RBFOX1: variants seen among roughly 807,000 people sequenced by gnomAD.
The protein encoded by RBFOX1 is RNA binding protein fox-1 homolog 1.
Under a neutral mutation model 57.7 loss-of-function variants are expected in RBFOX1, and 8 were observed. That is an observed-to-expected ratio of 0.14 (90% confidence interval 0.08 to 0.25). The LOEUF (loss-of-function observed/expected upper bound fraction) is 0.25, where lower values mean the gene tolerates loss of function less well. RBFOX1 is among the 10% of genes least tolerant of loss of function. The pLI, the probability that RBFOX1 is intolerant of heterozygous loss-of-function variation, is 1.00. For synonymous variants in RBFOX1, 326 were observed against 222.4 expected, an observed-to-expected ratio of 1.47 and a Z score of -4.15; for missense variants, 611 against 548.5, an observed-to-expected ratio of 1.11 and a Z score of -1.14.
chr16:6,876,829 A>G (rs910847532), intron 3 of RBFOX1, among the ~76,000 whole-genome samples: 10 of 152,162 alleles, frequency 6.6e-5, no homozygotes, highest in Non-Finnish European at 8.8e-5. Flanking sequence ...CGAAAGATGG[A>G]TTTCAGATGT....
intron 1 of RBFOX1, among the ~76,000 whole-genome samples, chr16:6,040,285 A>T (rs2095422026): frequency 6.6e-6 from 1 of 152,216 alleles, no homozygotes; most frequent in Non-Finnish European, 1.5e-5. Context: ...TTGCGCAAGC[A>T]ACACTATCAC....
At chr16:7,206,299 A>G (rs2089954611) in intron 4 of RBFOX1, among the ~76,000 whole-genome samples, 1 of 152,032 alleles carries the variant, frequency 6.6e-6, no homozygotes. Flanking sequence ...AAGTAGGTGA[A>G]AGTTTTCAGG....
At chr16:7,514,739 C>T (rs954947559) in intron 4 of RBFOX1, among the ~76,000 whole-genome samples, 2 of 152,138 alleles carry the variant, frequency 1.3e-5, no homozygotes, top group Non-Finnish European at 2.9e-5. Flanking sequence ...TCTCCCTTAA[C>T]TGACCATAAG....
At chr16:7,153,727 C>CAAA (rs113270300) in intron 4 of RBFOX1, among the ~76,000 whole-genome samples, 8,359 of 128,582 alleles carry the variant, frequency 0.065, 368 homozygotes, top group South Asian at 0.11. Context: ...GACAGTGTCT[C>CAAA]AAAAAAAAAA....
chr16:7,362,111 A>G (rs1260105049), intron 4 of RBFOX1, among the ~76,000 whole-genome samples: 3 of 149,238 alleles, frequency 2.0e-5, no homozygotes, highest in Non-Finnish European at 4.5e-5. Flanking sequence ...TAGTGTGTGT[A>G]TGTGTGTGGA....
intron 3 of RBFOX1, among the ~76,000 whole-genome samples, chr16:6,740,334 C>T (rs1284564625): frequency 2.0e-5 from 3 of 151,990 alleles, no homozygotes; most frequent in Non-Finnish European, 4.4e-5. Flanking sequence ...AATGATTTCC[C>T]CTTAAATACA....
chr16:6,757,446 AGAATACTATTCAGCCCT>A (rs2075977889), intron 3 of RBFOX1, among the ~76,000 whole-genome samples: 2 of 152,234 alleles, frequency 1.3e-5, no homozygotes, highest in Admixed American at 6.5e-5. Context: ...TATGCACAAC[AGAATACTATTCAGCCCT>A]GAAAAAGGAT....
At chr16:7,158,376 T>G (rs2077574808) in intron 4 of RBFOX1, among the ~76,000 whole-genome samples, 1 of 152,120 alleles carries the variant, frequency 6.6e-6, no homozygotes, top group African/African-American at 2.4e-5. Flanking sequence ...AGGGTTAGGG[T>G]TATCACAACC....
chr16:5,895,754 C>T (rs998997452), intron 4 of RBFOX1, among the ~76,000 whole-genome samples: 4 of 152,174 alleles, frequency 2.6e-5, no homozygotes, highest in Admixed American at 2.6e-4. Context: ...AATGACATGT[C>T]ATGCGTCAGT....
At chr16:5,633,852 T>TGAAA (rs1555488302) in intron 3 of RBFOX1, among the ~76,000 whole-genome samples, 1 of 143,894 alleles carries the variant, frequency 6.9e-6, no homozygotes, top group African/African-American at 2.6e-5. Context: ...GACTCCGTCT[T>TGAAA]AAAAAAAAAA....
At chr16:7,707,879 A>C (rs2083002627) in intron 14 of RBFOX1, among the ~76,000 whole-genome samples, 1 of 152,146 alleles carries the variant, frequency 6.6e-6, no homozygotes, top group Non-Finnish European at 1.5e-5. Flanking sequence ...CCCATTCGGT[A>C]AGTCACTTGC....
At chr16:6,610,284 A>G (rs1181972811) in intron 2 of RBFOX1, among the ~76,000 whole-genome samples, 2 of 151,836 alleles carry the variant, frequency 1.3e-5, no homozygotes, top group South Asian at 2.1e-4. Context: ...ATTAGTAAGC[A>G]TGAATTATGG....
chr16:7,692,843 A>T (rs988260294), intron 14 of RBFOX1, among the ~76,000 whole-genome samples: 1 of 152,072 alleles, frequency 6.6e-6, no homozygotes, highest in Non-Finnish European at 1.5e-5. Context: ...TATCCATAAC[A>T]CATCACCATA....
chr16:7,089,172 T>C (rs11866781), intron 4 of RBFOX1, among the ~76,000 whole-genome samples: 80,692 of 151,938 alleles, frequency 0.53, 22,564 homozygotes, highest in East Asian at 0.77. Context: ...CAATGAATTC[T>C]GGCAGCTGGA....
At chr16:7,082,381 G>C (rs1004007492) in intron 4 of RBFOX1, among the ~76,000 whole-genome samples, 10 of 151,916 alleles carry the variant, frequency 6.6e-5, no homozygotes, top group African/African-American at 2.2e-4. Flanking sequence ...AGGAGTTTGA[G>C]ACCAGCTTGG....
intron 1 of RBFOX1, among the ~76,000 whole-genome samples, chr16:6,082,249 C>T (rs538309271): frequency 1.1e-4 from 15 of 137,384 alleles, no homozygotes; most frequent in African/African-American, 2.7e-4. Flanking sequence ...GGTGCAATCT[C>T]GGCTCATTGC....
chr16:6,680,854 C>T, intron 3 of RBFOX1, among the ~76,000 whole-genome samples: 1 of 152,224 alleles, frequency 6.6e-6, no homozygotes, highest in South Asian at 2.1e-4. Flanking sequence ...GAATGAAGTA[C>T]CTTTCACTGT....
chr16:6,437,102 G>A (rs1017904606), intron 2 of RBFOX1, among the ~76,000 whole-genome samples: 1 of 152,108 alleles, frequency 6.6e-6, no homozygotes, highest in Non-Finnish European at 1.5e-5. Flanking sequence ...CAAATTAATA[G>A]GCGATCGTTT....
Position 6,019,477 on chromosome 16 carries a change from C to A in RBFOX1, c.-642C>A. On this transcript the variant is annotated 5_prime_UTR_variant, in exon 1 of 16. Transcript: ENST00000550418. The surrounding 1 kb of genome is among the most constrained non-coding windows in gnomAD (Gnocchi z 4.2). ...CCCGAACTCGCGGAGGGGAATCCCT[C>A]CCCCTCCGCCCCAGCCCCCCAGCAG... is the stretch of plus-strand genomic sequence containing the variant. 5 of 1,003,040 alleles carry A rather than the reference C, an allele frequency of 5.0e-6. No individual in the cohort carries two copies. The East Asian group carries it at 3.9e-4, about 78-fold the overall frequency. The allele number at this position is 1,003,040 out of a possible 1,614,324, so 62.1% of individuals were successfully genotyped here. A position where few individuals can be genotyped will look rare whatever the true frequency, so the allele number is the denominator to read the frequency against.
Sources: allele counts gnomAD v4.1 joint callset (sites outside exome capture counted in the v4.1 genomes callset), GRCh38; gene constraint gnomAD v4.1.1; non-coding constraint Gnocchi (gnomAD v3.1); transcripts MANE v1.5; gene names NCBI Gene and HGNC (gene_info 2026-07-23, HGNC 2026-07-21).